SLC39A13: variants seen among roughly 807,000 people sequenced by gnomAD.
SLC39A13 encodes the protein solute carrier family 39 member 13, also known as zinc transporter ZIP13.
SLC39A13 carries 18 observed loss-of-function variants against 38.7 expected under a neutral mutation model. The observed-to-expected ratio is 0.47, with a 90% CI of 0.32 to 0.69. SLC39A13 has a LOEUF of 0.69. Ranked by LOEUF, SLC39A13 falls within the 30% of genes least tolerant of loss-of-function variation. The probability of loss-of-function intolerance (pLI) is 0.03; values close to 1 mark genes in which losing one functional copy is unlikely to be tolerated. For synonymous variants in SLC39A13, 212 were observed against 219.1 expected (o/e 0.97, Z 0.29); for missense variants, 395 against 490.7 (o/e 0.80, Z 1.84).
chr11:47,412,286 C>T, intron 3 of SLC39A13, 60 bp from the exon 4 acceptor site: 10 of 1,568,940 alleles, frequency 6.4e-6, no homozygotes, highest in Non-Finnish European at 8.6e-6. Context: ...CCAAATGGCC[C>T]CCTCCTATGG....
At chr11:47,409,512 G>A (rs2095986220) in intron 1 of SLC39A13, 2 of 158,080 alleles carry the variant, frequency 1.3e-5, no homozygotes, top group African/African-American at 4.8e-5. Flanking sequence ...TCTAAAGCCT[G>A]CGCTATACAA....
At position 47,413,982 on chromosome 11, in the gene SLC39A13, G is replaced by C. The variant is rs2096012868; in HGVS notation, c.735+296G>C. Reference sequence around the variant, plus strand: ...CTCCTCCCTCTGGCCTCTGGCCTCTGGCCCAGAGGCAGCCTACTCTGCAGC... The same window carrying C: ...CTCCTCCCTCTGGCCTCTGGCCTCTCGCCCAGAGGCAGCCTACTCTGCAGC... On this transcript the variant is annotated intron_variant, in intron 6 of 9. Coordinates refer to ENST00000362021, the MANE Select transcript of SLC39A13 (RefSeq NM_001128225.3). 8.7e-6 allele frequency: 6 copies of C among 686,160 alleles called. No individual in the cohort carries two copies. In the East Asian group the frequency reaches 1.3e-4, roughly 15 times the overall value. 42.5% of individuals were successfully genotyped at this position (686,160 alleles called of 1,614,324 possible). A position where few individuals can be genotyped will look rare whatever the true frequency, so the allele number is the denominator to read the frequency against.
At chr11:47,414,639 C>T (rs1310713336) in intron 7 of SLC39A13, 138 bp from the exon 8 acceptor site, 7 of 1,504,154 alleles carry the variant, frequency 4.7e-6, no homozygotes, top group Non-Finnish European at 6.4e-6. Flanking sequence ...CTGCAGCTGC[C>T]ATCTCTGCCA....
chr11:47,409,819 T>C (rs1595876833), intron 1 of SLC39A13: 1 of 432,924 alleles, frequency 2.3e-6, no homozygotes, highest in Non-Finnish European at 4.2e-6. Context: ...CCTCACCCTG[T>C]CATTAGGGAA....
At chr11:47,409,868 C>T in intron 1 of SLC39A13, 1 of 578,610 alleles carries the variant, frequency 1.7e-6, no homozygotes, top group Non-Finnish European at 3.1e-6. Flanking sequence ...CAGTCTGGAG[C>T]TGCTCAGAAG....
rs1195924527 is a variant in SLC39A13 at position 47,415,487 on chromosome 11, C to T, written c.*124C>T. ...GAGAGAGAATGAGCCTCCCGCCAGA[C>T]AGGAGGGAGGTGCGTGTGGATGTAT... On this transcript the variant is annotated 3_prime_UTR_variant, in exon 10 of 10. Transcript: ENST00000362021. 10 of 1,095,356 alleles carry T rather than the reference C, an allele frequency of 9.1e-6. No individual in the cohort carries two copies. Among genetic ancestry groups the T allele is most frequent in the Non-Finnish European group, 1.2e-5 (9 of 727,988 alleles). 67.9% of individuals were successfully genotyped at this position (1,095,356 alleles called of 1,614,324 possible). A position where few individuals can be genotyped will look rare whatever the true frequency, so the allele number is the denominator to read the frequency against.
chr11:47,412,704 A>G (rs1401612463), intron 4 of SLC39A13, among the ~76,000 whole-genome samples: 4 of 150,470 alleles, frequency 2.7e-5, no homozygotes, highest in Admixed American at 6.6e-5. Flanking sequence ...GTTTGGGGGC[A>G]CCCAACTGAT....
intron 7 of SLC39A13, 24 bp downstream of exon 7, chr11:47,414,499 C>G: frequency 6.2e-7 from 1 of 1,609,378 alleles, no homozygotes; most frequent in Non-Finnish European, 8.5e-7. Flanking sequence ...GGGCAGCCCC[C>G]AGGGGCCCAG....
At chr11:47,408,281 C>G (rs2095979240), upstream of SLC39A13, among the ~76,000 whole-genome samples, 1 of 152,114 alleles carries the variant, frequency 6.6e-6, no homozygotes, top group Admixed American at 6.5e-5. Flanking sequence ...CCGCAAGCCC[C>G]GCAGCCTGGT....
Position 47,415,292 on chromosome 11 carries a change from T to A in SLC39A13, c.1045T>A (p.Ser349Thr), listed in dbSNP as rs767433454. The A allele has an allele frequency of 2.5e-6, 4 of 1,613,952 alleles. No individual in the cohort carries two copies. Among genetic ancestry groups the A allele is most frequent in the Admixed American group, 1.7e-5 (1 of 60,028 alleles). ...DLLEEEDPWR[S>T]LQQLLLLCAG... ...TGAGCCGTTCCCTCCCCACAGGCGC[T>A]CCCTGCAGCAGCTGCTTCTGCTCTG... The change falls in exon 10 of 10, where the codon TCC (serine) becomes ACC (threonine). Residue 349 changes from serine to threonine, a missense_variant. Transcript: ENST00000362021.
chr11:47,416,162 T>G lies in SLC39A13; in HGVS notation c.*799T>G, dbSNP rs1023837580. 1 of 153,256 alleles carries G rather than the reference T, an allele frequency of 6.5e-6. No homozygotes were observed. The highest frequency in any genetic ancestry group is 2.4e-5 in the African/African-American group (1 of 41,446). The allele number at this position is 153,256 out of a possible 1,614,324, so 9.5% of individuals were successfully genotyped here. The stretch of plus-strand genomic sequence containing the variant: ...GCCAGGGACTCCTGGAGCAGGCACA[T>G]AGTGAGCCCGGGCAGCCCTGCCCAG... On this transcript the variant is annotated 3_prime_UTR_variant, in exon 10 of 10. Coordinates refer to ENST00000362021, the MANE Select transcript of SLC39A13 (RefSeq NM_001128225.3).
In SLC39A13 at chr11:47,410,005, G is replaced by A. The variant is rs1595877075; in HGVS notation, c.-8-82G>A. 13 of 1,548,230 alleles carry A rather than the reference G, an allele frequency of 8.4e-6. No individual in the cohort carries two copies. The East Asian group carries it at 2.9e-4, about 35-fold the overall frequency. On this transcript the variant is annotated intron_variant, in intron 1 of 9. Coordinates refer to ENST00000362021, the MANE Select transcript of SLC39A13 (RefSeq NM_001128225.3). ...AGGGTGGATGCCAGGGTCCCTTGCG[G>A]GGAGGAGGGAGGCGCCACGTTTCCT...
In SLC39A13 at chr11:47,415,645, A is replaced by C; in HGVS notation, c.*282A>C. The C allele has an allele frequency of 1.8e-6, 1 of 566,044 alleles. No homozygotes were observed. The allele number at this position is 566,044 out of a possible 1,614,324, so 35.1% of individuals were successfully genotyped here. ...CTCTCCTTGCCGCCCTGTCACCTTC[A>C]CCTCCCGGAGTAAGCAGCGAGGAAG... is the stretch of plus-strand genomic sequence containing the variant. On this transcript the variant is annotated 3_prime_UTR_variant, in exon 10 of 10. Coordinates refer to ENST00000362021, the MANE Select transcript of SLC39A13 (RefSeq NM_001128225.3).
intron 3 of SLC39A13, 130 bp downstream of exon 3, chr11:47,412,169 G>A (rs988869893): frequency 4.0e-6 from 5 of 1,259,184 alleles, no homozygotes; most frequent in Non-Finnish European, 5.6e-6. Context: ...GGGAGGGAGG[G>A]AGGGTCATTG....
At position 47,413,694 on chromosome 11, in the gene SLC39A13, G is replaced by T. The variant is rs568529293; in HGVS notation, c.735+8G>T. ...TTCCTTGTGAGCAAGAAGGTGAGGG[G>T]CTTGGGGCCAGTGGGGCTCTGGCGA... On this transcript the variant is annotated splice_region_variant and intron_variant, in intron 6 of 9. Coordinates refer to ENST00000362021, the MANE Select transcript of SLC39A13 (RefSeq NM_001128225.3). 10 of 1,613,450 alleles carry T rather than the reference G, an allele frequency of 6.2e-6. No homozygotes were observed. The highest frequency in any genetic ancestry group is 8.5e-6 in the Non-Finnish European group (10 of 1,179,774).
At chr11:47,414,187 C>T (rs891170799) in intron 6 of SLC39A13, 90 of 616,760 alleles carry the variant, frequency 1.5e-4, no homozygotes, top group Non-Finnish European at 2.3e-4. Context: ...GCACTCTATC[C>T]ATCCTTTCCT....
At chr11:47,412,299 C>T (rs972219816) in intron 3 of SLC39A13, 47 bp from the exon 4 acceptor site, 3 of 1,588,756 alleles carry the variant, frequency 1.9e-6, no homozygotes, top group Admixed American at 3.6e-5. Context: ...TCCTATGGCC[C>T]TGGCTTGGCT....
chr11:47,414,694 G>A lies in SLC39A13; in HGVS notation c.787-83G>A, dbSNP rs992278049. The A allele has an allele frequency of 3.8e-6, 6 of 1,587,098 alleles. No individual in the cohort carries two copies. In the African/African-American group the frequency reaches 4.0e-5, roughly 11 times the overall value. ...AGGGGAAGGGTGGGGAAGGGCAGGG[G>A]GCTCAGTGTGTATATCGTACCTGAG... is the stretch of plus-strand genomic sequence containing the variant. On this transcript the variant is annotated intron_variant, in intron 7 of 9. Transcript: ENST00000362021.
chr11:47,408,292 C>T (rs1473828232), upstream of SLC39A13, among the ~76,000 whole-genome samples: 3 of 152,078 alleles, frequency 2.0e-5, no homozygotes, highest in Non-Finnish European at 4.4e-5. Context: ...GCAGCCTGGT[C>T]GATCGCGGTC....
Sources: gnomAD v4.1 joint callset for allele counts (sites outside exome capture counted in the v4.1 genomes callset) on GRCh38, gnomAD v4.1.1 for gene constraint, MANE v1.5 for transcripts, NCBI Gene and HGNC (gene_info 2026-07-23, HGNC 2026-07-21) for gene names.